CASP9: variants seen among roughly 807,000 people sequenced by gnomAD.
The protein encoded by CASP9 is caspase-9.
Under a neutral mutation model 43.5 loss-of-function variants are expected in CASP9, and 29 were observed. The ratio of observed to expected loss-of-function variants is 0.67; its 90% confidence interval spans 0.50 to 0.91. CASP9 has a LOEUF of 0.91. Among genes scored for constraint, CASP9 ranks in the 40% least tolerant of loss-of-function variants. The probability of loss-of-function intolerance (pLI) is 0.00; values close to 1 mark genes in which losing one functional copy is unlikely to be tolerated. For synonymous variants in CASP9, 206 were observed against 211.9 expected (o/e 0.97, Z 0.24); for missense variants, 575 against 537.4 (o/e 1.07, Z -0.69).
At chr1:15,513,011 A>T (rs1709817558) in intron 2 of CASP9, among the ~76,000 whole-genome samples, 1 of 152,030 alleles carries the variant, frequency 6.6e-6, no homozygotes, top group African/African-American at 2.4e-5. Context: ...ATACAAAAAA[A>T]TTAGCTGGGC....
rs558237499 is a variant in CASP9 at position 15,519,420 on chromosome 1, G to A, written c.133-1025C>T. 2.0e-5 allele frequency among the ~76,000 whole-genome samples: 3 copies of A among 152,248 alleles called. No homozygotes were observed. The East Asian group carries it at 5.8e-4, about 29-fold the overall frequency. The stretch of plus-strand genomic sequence containing the variant: ...GGTCTCAAAACTCCTGACCTCAAGC[G>A]ATCCACCAACCTCAGCCTCTCAAAG... On this transcript the variant is annotated intron_variant, in intron 1 of 8. Coordinates refer to ENST00000333868, the MANE Select transcript of CASP9 (RefSeq NM_001229.5).
intron 6 of CASP9, among the ~76,000 whole-genome samples, chr1:15,497,500 G>A (rs1257837502): frequency 6.6e-6 from 1 of 151,282 alleles, no homozygotes; most frequent in Non-Finnish European, 1.5e-5. Flanking sequence ...AAAATTAGCT[G>A]GGCGTGGTGG....
At chr1:15,513,789 T>C (rs1408760543) in intron 2 of CASP9, among the ~76,000 whole-genome samples, 4 of 152,180 alleles carry the variant, frequency 2.6e-5, no homozygotes, top group Admixed American at 2.6e-4. Flanking sequence ...GAGACAGTGA[T>C]GGAGTGAGTC....
chr1:15,510,221 C>T (rs561908587), intron 2 of CASP9, among the ~76,000 whole-genome samples: 4 of 152,286 alleles, frequency 2.6e-5, no homozygotes, highest in South Asian at 2.1e-4. Flanking sequence ...TGAGCCACCA[C>T]GCCCGGCCTA....
chr1:15,524,621 C>A, upstream of CASP9: 1 of 1,046,240 alleles, frequency 9.6e-7, no homozygotes. Context: ...CCGTCCCGCC[C>A]GCAGGACGCA....
At chr1:15,493,109 G>C in intron 8 of CASP9, 74 bp from the exon 9 acceptor site, 1 of 1,598,718 alleles carries the variant, frequency 6.3e-7, no homozygotes, top group African/African-American at 1.3e-5. Context: ...GAGGGGCTGG[G>C]GGGAATGTCC....
intron 2 of CASP9, among the ~76,000 whole-genome samples, chr1:15,508,977 C>T (rs6686966): frequency 0.31 from 47,042 of 152,110 alleles, 7,669 homozygotes; most frequent in East Asian, 0.58. Flanking sequence ...CAGCTTTTCG[C>T]ACCACATGCA....
chr1:15,504,556 G>A (rs1195061770), intron 6 of CASP9, 55 bp downstream of exon 6: 13 of 1,544,176 alleles, frequency 8.4e-6, no homozygotes, highest in Non-Finnish European at 1.0e-5. Flanking sequence ...AAAGAAGCAG[G>A]TGGCGGCTCC....
At chr1:15,517,372 AAAGGGATCTCT>A (rs1709991645) in intron 2 of CASP9, among the ~76,000 whole-genome samples, 1 of 152,156 alleles carries the variant, frequency 6.6e-6, no homozygotes, top group South Asian at 2.1e-4. Context: ...AGGACAAGCA[AAAGGGATCTCT>A]GGCGATAGAG....
Position 15,506,904 on chromosome 1 carries a change from C to T in CASP9, c.625G>A (p.Ala209Thr), listed in dbSNP as rs145806371. ...FMVEVKGDLTAKKMVLALLEL... is the reference protein window; with the variant it reads ...FMVEVKGDLTTKKMVLALLEL... ...TCCACAGATAGTGAGTGTACCTTGG[C>T]AGTCAGGTCGCCCTTCACCTCCACC... Residue 209 changes from alanine to threonine, a missense_variant, in exon 4 of 9, where the codon GCC becomes ACC. Transcript: ENST00000333868. The T allele has an allele frequency of 3.7e-5, 59 of 1,612,168 alleles. No individual in the cohort carries two copies. The African/African-American group carries it at 7.7e-4, about 21-fold the overall frequency.
In CASP9 at chr1:15,506,891, G is replaced by A. The variant is rs1187993955; in HGVS notation, c.630+8C>T. 6.3e-7 allele frequency: 1 copy of A among 1,598,858 alleles called. No homozygotes were observed. The highest frequency in any genetic ancestry group is 1.3e-5 in the African/African-American group (1 of 74,748). The stretch of plus-strand genomic sequence containing the variant: ...CACCCTGTCTCCCTCCACAGATAGT[G>A]AGTGTACCTTGGCAGTCAGGTCGCC... On this transcript the variant is annotated splice_region_variant and intron_variant, in intron 4 of 8. Transcript: ENST00000333868.
At chr1:15,511,462 G>C (rs555397690) in intron 2 of CASP9, among the ~76,000 whole-genome samples, 20 of 151,196 alleles carry the variant, frequency 1.3e-4, no homozygotes, top group Non-Finnish European at 2.5e-4. Context: ...GGAGTACAAT[G>C]GCACAATCTT....
Position 15,491,540 on chromosome 1 carries a change from T to C in CASP9, c.*1403A>G, listed in dbSNP as rs1708895706. ...TGGGAGGCTAAGGCAGGCTGATCGC[T>C]TGAGTCCAGGAGTTCAAGACCAGCC... On this transcript the variant is annotated 3_prime_UTR_variant, in exon 9 of 9. Coordinates refer to ENST00000333868, the MANE Select transcript of CASP9 (RefSeq NM_001229.5). 1 of 536,868 alleles carries C rather than the reference T, an allele frequency of 1.9e-6. No homozygotes were observed. The highest frequency in any genetic ancestry group is 3.1e-5 in the Admixed American group (1 of 31,992). 33.3% of individuals were successfully genotyped at this position (536,868 alleles called of 1,614,324 possible).
intron 6 of CASP9, among the ~76,000 whole-genome samples, chr1:15,500,849 G>A (rs1218393122): frequency 6.7e-6 from 1 of 148,368 alleles, no homozygotes; most frequent in African/African-American, 2.5e-5. Context: ...AGGGTGAGCA[G>A]AGAGGCTGAG....
intron 4 of CASP9, 48 bp downstream of exon 4, chr1:15,506,851 C>T (rs774551432): frequency 6.0e-6 from 9 of 1,500,766 alleles, no homozygotes; most frequent in East Asian, 2.3e-5. Flanking sequence ...AGATACTTCC[C>T]CACCCACTGC....
rs150342820 is a variant in CASP9 at position 15,518,266 on chromosome 1, A to T, written c.262T>A (p.Phe88Ile). The change falls in exon 2 of 9, where the codon TTT becomes ATT. Residue 88 changes from phenylalanine (F) to isoleucine (I), a missense_variant. Phe to Ile is a conservative substitution (Grantham distance 21). Transcript: ENST00000333868. Reference sequence around the variant, plus strand: ...GCTGCTTGCCTGTTAGTTCGCAGAAACGAAGCCAGCATGTCCTGGCCTGTG... The same window carrying T: ...GCTGCTTGCCTGTTAGTTCGCAGAATCGAAGCCAGCATGTCCTGGCCTGTG... ...EDTGQDMLAS[F>I]LRTNRQAAKL... The T allele has an allele frequency of 2.0e-4, 317 of 1,614,092 alleles. No individual in the cohort carries two copies. The highest frequency in any genetic ancestry group is 2.6e-4 in the Non-Finnish European group (309 of 1,180,052).
rs1429417115 is a variant in CASP9 at position 15,518,348 on chromosome 1, T to C, written c.180A>G (p.Ile60Met). 1.9e-6 allele frequency: 3 copies of C among 1,614,018 alleles called. No homozygotes were observed. The highest frequency in any genetic ancestry group is 2.2e-5 in the East Asian group (1 of 44,892). Residue 60 changes from isoleucine (I) to methionine (M), a missense_variant, in exon 2 of 9, where the codon ATA (isoleucine) becomes ATG (methionine). Coordinates refer to ENST00000333868, the MANE Select transcript of CASP9 (RefSeq NM_001229.5). The stretch of plus-strand genomic sequence containing the variant: ...CCTGACTCCCTCGAGTCTCCAGATC[T>C]ATGATCAGCTGCCTGGCCTGATCCC... ...SRRDQARQLI[I>M]DLETRGSQAL...
intron 2 of CASP9, among the ~76,000 whole-genome samples, chr1:15,515,904 A>G (rs1709929396): frequency 6.6e-6 from 1 of 152,062 alleles, no homozygotes; most frequent in African/African-American, 2.4e-5. Context: ...AAAAATTTTA[A>G]AATTGGCCAG....
In CASP9 at chr1:15,492,208, A is replaced by G. The variant is rs1215368925; in HGVS notation, c.*735T>C. On this transcript the variant is annotated 3_prime_UTR_variant, in exon 9 of 9. Transcript: ENST00000333868. The stretch of plus-strand genomic sequence containing the variant: ...ATGGGGAAATGTTTCGAAAAAAGCA[A>G]AAGTCTCTTTTGTAAGGAAGAAGAA... 6.6e-6 allele frequency: 1 copy of G among 152,226 alleles called. No homozygotes were observed. Among genetic ancestry groups the G allele is most frequent in the African/African-American group, 2.4e-5 (1 of 41,456 alleles). 9.4% of individuals were successfully genotyped at this position (152,226 alleles called of 1,614,324 possible).
Sources: gnomAD v4.1 joint callset for allele counts (sites outside exome capture counted in the v4.1 genomes callset) on GRCh38, gnomAD v4.1.1 for gene constraint, MANE v1.5 for transcripts, NCBI Gene and HGNC (gene_info 2026-07-23, HGNC 2026-07-21) for gene names.